FARP1: variants seen among roughly 807,000 people sequenced by gnomAD.
FARP1 encodes FERM, ARH/RhoGEF and pleckstrin domain protein 1, also known as FERM, ARHGEF and pleckstrin domain-containing protein 1.
FARP1 carries 52 observed loss-of-function variants against 128.8 expected under a neutral mutation model. The observed-to-expected ratio is 0.40, with a 90% CI of 0.32 to 0.51. The LOEUF is 0.51. FARP1 is among the 20% of genes least tolerant of loss of function. FARP1 has a pLI of 0.45. For missense variants in FARP1, 1,333 were observed against 1,367.9 expected, an observed-to-expected ratio of 0.97 and a Z score of 0.40; for synonymous variants, 580 against 551.8, an observed-to-expected ratio of 1.05 and a Z score of -0.72.
At chr13:98,226,769 G>A (rs1377332187) in intron 2 of FARP1, among the ~76,000 whole-genome samples, 1 of 152,132 alleles carries the variant, frequency 6.6e-6, no homozygotes, top group African/African-American at 2.4e-5. Flanking sequence ...AATCCCAGCT[G>A]TATTAATCAA....
chr13:98,175,313 A>C (rs78320598), intron 1 of FARP1, among the ~76,000 whole-genome samples: 2,370 of 152,242 alleles, frequency 0.016, 40 homozygotes, highest in Middle Eastern at 0.058. Context: ...ATACATTGCC[A>C]TTTTAAGGGA....
chr13:98,448,282 C>T lies in FARP1; in HGVS notation c.3103C>T (p.His1035Tyr). The T allele has an allele frequency of 6.2e-7, 1 of 1,614,160 alleles. No individual in the cohort carries two copies. The highest frequency in any genetic ancestry group is 8.5e-7 in the Non-Finnish European group (1 of 1,179,972). ...RSATSSASRP[H>Y]VLSHKESLVY ...TGCCACCAGCTCTGCCTCGCGACCC[C>T]ACGTGTTGAGTCACAAAGAGTCTCT... The change falls in exon 27 of 27, where the codon CAC (histidine) becomes TAC (tyrosine). Residue 1035 changes from histidine (H) to tyrosine (Y), a missense_variant. Around this residue, in one of 2 missense-constraint regions of FARP1, gnomAD observed 1,009 missense variants for 969.8 expected, o/e 1.04. Coordinates refer to ENST00000319562, the MANE Select transcript of FARP1 (RefSeq NM_005766.4).
At chr13:98,293,159 T>C (rs190522861) in intron 2 of FARP1, among the ~76,000 whole-genome samples, 104 of 152,268 alleles carry the variant, frequency 6.8e-4, no homozygotes, top group Middle Eastern at 3.4e-3. Flanking sequence ...ATTGCCCTAT[T>C]TTCCAGTTAC....
At chr13:98,382,607 C>G (rs1365687838) in intron 6 of FARP1, 1 of 152,180 alleles carries the variant, frequency 6.6e-6, no homozygotes, top group Non-Finnish European at 1.5e-5. Flanking sequence ...TGAAAATTCG[C>G]TTATTTACTT....
intron 9 of FARP1, 136 bp from the exon 10 acceptor site, chr13:98,389,821 G>T (rs1890238158): frequency 2.6e-6 from 2 of 765,828 alleles, no homozygotes; most frequent in South Asian, 1.8e-5. Context: ...GTAAGTCTTT[G>T]CACTGATGGT....
chr13:98,251,843 T>C (rs1027822579), intron 2 of FARP1, among the ~76,000 whole-genome samples: 5 of 152,116 alleles, frequency 3.3e-5, no homozygotes, highest in African/African-American at 9.7e-5. Flanking sequence ...TAATTGTATG[T>C]ATGTATGTAT....
intron 2 of FARP1, among the ~76,000 whole-genome samples, chr13:98,246,792 C>T (rs925101419): frequency 6.6e-6 from 1 of 152,174 alleles, no homozygotes; most frequent in African/African-American, 2.4e-5. Flanking sequence ...GAGCTTTCTA[C>T]CCAGAGCCCT....
In FARP1 at chr13:98,143,369, C is replaced by A; in HGVS notation, c.-147C>A. ...GCCAGCCCTGCTCGCGCGCCCGCGCCGCCGCCGCCCGCGGGTATTAATAGC... is the reference window on the plus strand; with the variant it reads ...GCCAGCCCTGCTCGCGCGCCCGCGCAGCCGCCGCCCGCGGGTATTAATAGC... On this transcript the variant is annotated 5_prime_UTR_variant, in exon 1 of 27. Transcript: ENST00000319562. 6.7e-6 allele frequency: 1 copy of A among 150,174 alleles called. No homozygotes were observed. Among genetic ancestry groups the A allele is most frequent in the South Asian group, 1.8e-4 (1 of 5,456 alleles). 9.3% of individuals were successfully genotyped at this position (150,174 alleles called of 1,614,324 possible).
intron 13 of FARP1, among the ~76,000 whole-genome samples, chr13:98,407,766 G>A (rs138965614): frequency 6.6e-6 from 1 of 152,324 alleles, no homozygotes; most frequent in African/African-American, 2.4e-5. Context: ...CCTCCACTGT[G>A]TTGGCGGTGC....
At chr13:98,237,988 A>C (rs923520092) in intron 2 of FARP1, among the ~76,000 whole-genome samples, 3 of 147,856 alleles carry the variant, frequency 2.0e-5, no homozygotes, top group African/African-American at 5.1e-5. Flanking sequence ...ATACCTATAG[A>C]CTCTAATAAT....
Position 98,177,233 on chromosome 13 carries a change from C to G in FARP1, c.-24+33741C>G, listed in dbSNP as rs749612958. ...GTCCTTCCTGGAGAAGGTGGCGCTGCCATGTTTGAGTCTCAGGCTCCCAAC... is the reference window on the plus strand; with the variant it reads ...GTCCTTCCTGGAGAAGGTGGCGCTGGCATGTTTGAGTCTCAGGCTCCCAAC... On this transcript the variant is annotated intron_variant, in intron 1 of 26. Transcript: ENST00000319562. 4.6e-5 allele frequency: 71 copies of G among 1,549,474 alleles called. 2 individuals carry two copies. In the South Asian group the frequency reaches 7.5e-4, roughly 16 times the overall value.
chr13:98,274,317 G>A (rs182034801), intron 2 of FARP1, among the ~76,000 whole-genome samples: 9 of 152,264 alleles, frequency 5.9e-5, no homozygotes, highest in South Asian at 2.1e-4. Context: ...AAAAGGCAGC[G>A]CGGGGCAGCG....
intron 1 of FARP1, among the ~76,000 whole-genome samples, chr13:98,175,432 T>G (rs1263461983): frequency 1.3e-5 from 2 of 152,132 alleles, no homozygotes; most frequent in Non-Finnish European, 2.9e-5. Context: ...TATTTGCTGT[T>G]TTGGTAACTC....
intron 2 of FARP1, among the ~76,000 whole-genome samples, chr13:98,222,037 G>A (rs1486457025): frequency 6.6e-6 from 1 of 152,210 alleles, no homozygotes; most frequent in African/African-American, 2.4e-5. Flanking sequence ...GACACAGAAT[G>A]ACTTAGTTTG....
chr13:98,396,179 G>A (rs1178871678), intron 13 of FARP1: 2 of 399,174 alleles, frequency 5.0e-6, no homozygotes, highest in East Asian at 3.6e-5. Flanking sequence ...GCTCCCGAGG[G>A]TAGAAGCCTG....
At chr13:98,191,451 G>A (rs1033307128) in intron 1 of FARP1, among the ~76,000 whole-genome samples, 17 of 152,128 alleles carry the variant, frequency 1.1e-4, no homozygotes, top group African/African-American at 4.1e-4. Context: ...ATGTAATAGT[G>A]GAAAATGCTT....
chr13:98,202,140 G>GT (rs1879991779), intron 1 of FARP1, among the ~76,000 whole-genome samples: 1 of 152,190 alleles, frequency 6.6e-6, no homozygotes, highest in South Asian at 2.1e-4. Flanking sequence ...AGCTTTTCTA[G>GT]TTTATCTCCA....
At chr13:98,351,101 G>A (rs34121082) in intron 3 of FARP1, among the ~76,000 whole-genome samples, 22,773 of 140,802 alleles carry the variant, frequency 0.16, 2,551 homozygotes, top group South Asian at 0.29. Context: ...TCCTGCCCTT[G>A]TTCCCCCTCC....
chr13:98,347,378 A>G (rs1888224937), intron 3 of FARP1, among the ~76,000 whole-genome samples: 1 of 152,150 alleles, frequency 6.6e-6, no homozygotes, highest in South Asian at 2.1e-4. Context: ...TATCTTGTGA[A>G]GTGGAAACTC....
Sources: allele counts gnomAD v4.1 joint callset (sites outside exome capture counted in the v4.1 genomes callset), GRCh38; gene constraint gnomAD v4.1.1; regional missense constraint gnomAD v4.1.1; transcripts MANE v1.5; gene names NCBI Gene and HGNC (gene_info 2026-07-23, HGNC 2026-07-21).